The following UNC13C variants were observed in gnomAD, a reference collection of about 807,000 sequenced individuals.
The protein encoded by UNC13C is protein unc-13 homolog C.
UNC13C carries 174 observed loss-of-function variants against 245.4 expected under a neutral mutation model. That is an observed-to-expected ratio of 0.71 (90% CI 0.63 to 0.80). UNC13C has a LOEUF of 0.80. UNC13C is among the 30% of genes least tolerant of loss of function. The pLI is 0.00. For synonymous variants in UNC13C, 992 were observed against 895.1 expected, an observed-to-expected ratio of 1.11 and a Z score of -1.93; for missense variants, 2,829 against 2,602.9, an observed-to-expected ratio of 1.09 and a Z score of -1.89.
At chr15:54,143,267 G>C (rs1212233238) in intron 3 of UNC13C, among the ~76,000 whole-genome samples, 1 of 152,194 alleles carries the variant, frequency 6.6e-6, no homozygotes, top group Non-Finnish European at 1.5e-5. Flanking sequence ...TGCCAACCTA[G>C]GGGTCTGCTA....
At chr15:54,591,413 T>C (rs1489574034) in intron 30 of UNC13C, among the ~76,000 whole-genome samples, 1 of 152,176 alleles carries the variant, frequency 6.6e-6, no homozygotes, top group African/African-American at 2.4e-5. Flanking sequence ...TGAATCCATC[T>C]GGTCCTGGAC....
At chr15:54,495,634 C>T (rs1387750715) in intron 20 of UNC13C, among the ~76,000 whole-genome samples, 1 of 151,834 alleles carries the variant, frequency 6.6e-6, no homozygotes, top group Non-Finnish European at 1.5e-5. Context: ...GGAAGTAAGG[C>T]ATATTTCCAT....
chr15:54,561,143 C>G (rs1897282515), intron 29 of UNC13C, among the ~76,000 whole-genome samples: 1 of 151,968 alleles, frequency 6.6e-6, no homozygotes, highest in Admixed American at 6.6e-5. Context: ...GATTCCTGGG[C>G]CCAGCACTTT....
intron 19 of UNC13C, among the ~76,000 whole-genome samples, chr15:54,442,446 C>G (rs1044665612): frequency 6.6e-6 from 1 of 152,020 alleles, no homozygotes; most frequent in South Asian, 2.1e-4. Context: ...TCGTCTTGAA[C>G]TCCTAACCTC....
downstream of UNC13C, chr15:54,629,828 G>GTCTT (rs1901412997): frequency 6.6e-6 from 1 of 152,096 alleles, no homozygotes; most frequent in Non-Finnish European, 1.5e-5. Context: ...CAATTATTCT[G>GTCTT]TCTTTTACAA....
intron 24 of UNC13C, among the ~76,000 whole-genome samples, chr15:54,521,197 A>G (rs542975345): frequency 1.1e-3 from 167 of 152,306 alleles, no homozygotes; most frequent in African/African-American, 3.8e-3. Context: ...ATTGGAGAGT[A>G]TGAAACCTAC....
At chr15:54,350,078 G>T (rs772094080) in intron 17 of UNC13C, among the ~76,000 whole-genome samples, 7 of 151,744 alleles carry the variant, frequency 4.6e-5, no homozygotes, top group African/African-American at 1.7e-4. Flanking sequence ...TGCAAGCTCC[G>T]CCTCCTGGCT....
At chr15:54,331,925 G>A (rs2038446572) in intron 14 of UNC13C, 118 bp from the exon 15 acceptor site, 5 of 619,430 alleles carry the variant, frequency 8.1e-6, no homozygotes, top group Non-Finnish European at 1.3e-5. Context: ...TCTTGGACAA[G>A]TCATTGATAT....
intron 24 of UNC13C, among the ~76,000 whole-genome samples, chr15:54,519,231 G>C (rs1348650598): frequency 6.6e-6 from 1 of 151,932 alleles, no homozygotes; most frequent in Non-Finnish European, 1.5e-5. Context: ...ATGTGTTGCA[G>C]GTGAGAAGGG....
chr15:54,197,137 C>G (rs1340322299), intron 4 of UNC13C, among the ~76,000 whole-genome samples: 3 of 152,060 alleles, frequency 2.0e-5, no homozygotes, highest in African/African-American at 7.2e-5. Flanking sequence ...ATGATATGTT[C>G]TACATAGAAA....
chr15:54,128,932 C>A (rs900303179), intron 2 of UNC13C, among the ~76,000 whole-genome samples: 3 of 152,174 alleles, frequency 2.0e-5, no homozygotes, highest in African/African-American at 7.2e-5. Context: ...CTGGGTCATT[C>A]TCTTGCTTAA....
At chr15:54,040,342 AC>A (rs1013453369) in intron 2 of UNC13C, among the ~76,000 whole-genome samples, 3 of 152,050 alleles carry the variant, frequency 2.0e-5, no homozygotes, top group Non-Finnish European at 4.4e-5. Flanking sequence ...CCACTTAAGA[AC>A]CCTGACCTTG....
At chr15:54,496,245 T>C (rs1217958375) in intron 20 of UNC13C, among the ~76,000 whole-genome samples, 1 of 152,088 alleles carries the variant, frequency 6.6e-6, no homozygotes, top group African/African-American at 2.4e-5. Flanking sequence ...ATAGTCTTTA[T>C]GTTAAATAAA....
intron 2 of UNC13C, among the ~76,000 whole-genome samples, chr15:54,052,560 C>T (rs1408545012): frequency 6.6e-6 from 1 of 152,148 alleles, no homozygotes; most frequent in Non-Finnish European, 1.5e-5. Context: ...TGGTATTTTA[C>T]AGAGGTTGTA....
chr15:54,305,837 CTA>C (rs1491192657), intron 13 of UNC13C, among the ~76,000 whole-genome samples: 3 of 152,158 alleles, frequency 2.0e-5, no homozygotes, highest in African/African-American at 7.2e-5. Flanking sequence ...TTCCTAGACA[CTA>C]TTTGATCAAA....
rs1486695652 is a variant in UNC13C at position 54,408,156 on chromosome 15, C to T, written c.4848-6826C>T. 3.0e-5 allele frequency among the ~76,000 whole-genome samples: 4 copies of T among 133,222 alleles called. No individual in the cohort carries two copies. In the East Asian group the frequency reaches 7.0e-4, roughly 23 times the overall value. The allele number at this position is 133,222 out of a possible 152,430, so 87.4% of individuals were successfully genotyped here. ...GCGGAGTTGCAGTAAGCCGAGATGG[C>T]GCCACTGCACTCCAGCCTGGGTGAC... On this transcript the variant is annotated intron_variant, in intron 18 of 32. Coordinates refer to ENST00000260323, the MANE Select transcript of UNC13C (RefSeq NM_001080534.3).
At chr15:53,876,273 CA>C in the UNC13C span, among the ~76,000 whole-genome samples, 1 of 152,130 alleles carries the variant, frequency 6.6e-6, no homozygotes, top group African/African-American at 2.4e-5. Flanking sequence ...ATGGAATGTT[CA>C]AAGCTCAAGT....
intron 10 of UNC13C, among the ~76,000 whole-genome samples, chr15:54,288,739 G>T (rs116333328): frequency 9.4e-4 from 143 of 152,076 alleles, no homozygotes; most frequent in African/African-American, 3.4e-3. Context: ...TATGACTTTT[G>T]GGCAGTACTG....
chr15:54,137,559 T>C (rs1398045595), intron 2 of UNC13C, among the ~76,000 whole-genome samples: 1 of 152,218 alleles, frequency 6.6e-6, no homozygotes, highest in Non-Finnish European at 1.5e-5. Flanking sequence ...TGGTAGGTTG[T>C]ATGTTCTAGT....
Sources: allele counts gnomAD v4.1 joint callset (sites outside exome capture counted in the v4.1 genomes callset), GRCh38; gene constraint gnomAD v4.1.1; transcripts MANE v1.5; gene names NCBI Gene and HGNC (gene_info 2026-07-23, HGNC 2026-07-21).